Variants in CDO1 observed in about 807,000 individuals in gnomAD.
CDO1 encodes the protein cysteine dioxygenase, type I.
Under a neutral mutation model 24.5 loss-of-function variants are expected in CDO1, and 19 were observed. That is an observed-to-expected ratio of 0.77 (90% CI 0.54 to 1.14). The LOEUF (loss-of-function observed/expected upper bound fraction) is 1.14. Ranked by LOEUF, CDO1 falls within the 50% of genes most tolerant of loss-of-function variation. The pLI is 0.00. For missense variants in CDO1, 244 were observed against 244.8 expected, an observed-to-expected ratio of 1.00 and a Z score of 0.02; for synonymous variants, 91 against 87.0, an observed-to-expected ratio of 1.05 and a Z score of -0.26.
chr5:115,809,618 G>T (rs1760100637), intron 3 of CDO1: 1 of 151,834 alleles, frequency 6.6e-6, no homozygotes. Flanking sequence ...TACAACAATT[G>T]TACCTTCACT....
In CDO1 at chr5:115,805,356, A is replaced by G; in HGVS notation, c.*77T>C. 2 of 1,220,588 alleles carry G rather than the reference A, an allele frequency of 1.6e-6. No individual in the cohort carries two copies. The highest frequency in any genetic ancestry group is 2.3e-5 in the East Asian group (1 of 43,058). The allele number at this position is 1,220,588 out of a possible 1,614,324, so 75.6% of individuals were successfully genotyped here. On this transcript the variant is annotated 3_prime_UTR_variant, in exon 5 of 5. Coordinates refer to ENST00000250535, the MANE Select transcript of CDO1 (RefSeq NM_001801.3). ...TTATTTAAGTATATTACTGGATAGCACGTGGTAGGTAGCCTTTTTGTCCAA... is the reference window on the plus strand; with the variant it reads ...TTATTTAAGTATATTACTGGATAGCGCGTGGTAGGTAGCCTTTTTGTCCAA...
At position 115,816,633 on chromosome 5, in the gene CDO1, G is replaced by C. The variant is rs972469920; in HGVS notation, c.-236C>G. On this transcript the variant is annotated 5_prime_UTR_variant, in exon 1 of 5. Coordinates refer to ENST00000250535, the MANE Select transcript of CDO1 (RefSeq NM_001801.3). ...GATCCGGGATCGCTGGAGACGCGGTGCACACACAAATCAGGTTCAGATCTG... is the reference window on the plus strand; with the variant it reads ...GATCCGGGATCGCTGGAGACGCGGTCCACACACAAATCAGGTTCAGATCTG... 1 of 549,386 alleles carries C rather than the reference G, an allele frequency of 1.8e-6. No individual in the cohort carries two copies. Among genetic ancestry groups the C allele is most frequent in the Admixed American group, 3.1e-5 (1 of 32,250 alleles). 34.0% of individuals were successfully genotyped at this position (549,386 alleles called of 1,614,324 possible).
At chr5:115,812,462 A>C (rs1180163431) in intron 2 of CDO1, among the ~76,000 whole-genome samples, 2 of 152,196 alleles carry the variant, frequency 1.3e-5, no homozygotes, top group African/African-American at 2.4e-5. Flanking sequence ...AGTAGAAAGA[A>C]ATTTTCTGAA....
At chr5:115,813,398 A>T in intron 1 of CDO1, 140 bp from the exon 2 acceptor site, 1 of 555,130 alleles carries the variant, frequency 1.8e-6, no homozygotes, top group Non-Finnish European at 3.2e-6. Flanking sequence ...CAGTTTTCTA[A>T]TTAGAAATCC....
intron 4 of CDO1, among the ~76,000 whole-genome samples, chr5:115,806,113 A>C (rs996465372): frequency 2.0e-5 from 3 of 152,234 alleles, no homozygotes; most frequent in African/African-American, 7.2e-5. Context: ...TTCCCAAGTA[A>C]ATGAAAACAT....
At position 115,809,000 on chromosome 5, in the gene CDO1, G is replaced by T. The variant is rs571034426; in HGVS notation, c.403+2161C>A. ...ATCTTTGAACAAGCCACACATTCTAGGATCTTTCATTTTCCTTATTTCTAA... is the reference window on the plus strand; with the variant it reads ...ATCTTTGAACAAGCCACACATTCTATGATCTTTCATTTTCCTTATTTCTAA... On this transcript the variant is annotated intron_variant, in intron 3 of 4. Coordinates refer to ENST00000250535, the MANE Select transcript of CDO1 (RefSeq NM_001801.3). Among the ~76,000 whole-genome samples the T allele has an allele frequency of 2.0e-5, 3 of 152,206 alleles. No homozygotes were observed. In the South Asian group the frequency reaches 6.2e-4, roughly 32 times the overall value.
rs1024621176 is a variant in CDO1, at chr5:115,805,409, A to G, written c.*24T>C. 9 of 1,611,112 alleles carry G rather than the reference A, an allele frequency of 5.6e-6. No homozygotes were observed. The highest frequency in any genetic ancestry group is 7.6e-6 in the Non-Finnish European group (9 of 1,178,532). The stretch of plus-strand genomic sequence containing the variant: ...CAAACATACAGCGAACCTTAAAGTA[A>G]AACCTCAGAGGGTTTGGTGCCCCTT... On this transcript the variant is annotated 3_prime_UTR_variant, in exon 5 of 5. Transcript: ENST00000250535.
chr5:115,816,364 G>C lies in CDO1; in HGVS notation c.34C>G (p.Leu12Val). The C allele has an allele frequency of 7.4e-6, 12 of 1,613,854 alleles. No homozygotes were observed. The highest frequency in any genetic ancestry group is 1.0e-5 in the Non-Finnish European group (12 of 1,180,018). Residue 12 changes from leucine to valine, a missense_variant, in exon 1 of 5, where the codon CTG becomes GTG. Physicochemically the swap from Leu to Val is conservative, Grantham distance 32. Transcript: ENST00000250535. ...TGCAGGATGCGGATCAGATCAGCCA[G>C]GGTCCGTGGCTTCAGCACTTCGGTC... is the stretch of plus-strand genomic sequence containing the variant. ...EQTEVLKPRT[L>V]ADLIRILHQL...
chr5:115,805,210 T>C lies in CDO1; in HGVS notation c.*223A>G. 2.1e-6 allele frequency: 1 copy of C among 479,330 alleles called. No homozygotes were observed. The highest frequency in any genetic ancestry group is 3.7e-6 in the Non-Finnish European group (1 of 271,556). The allele number at this position is 479,330 out of a possible 1,614,324, so 29.7% of individuals were successfully genotyped here. ...ATGAGAGCACTTGAAAACTTGCCTT[T>C]AAAAATCACAAGACTTTCTTTTCCT... On this transcript the variant is annotated 3_prime_UTR_variant, in exon 5 of 5. Coordinates refer to ENST00000250535, the MANE Select transcript of CDO1 (RefSeq NM_001801.3).
rs34251420 is a variant in CDO1 at position 115,810,307 on chromosome 5, G to A, written c.403+854C>T. 9.9e-3 allele frequency among the ~76,000 whole-genome samples: 1,512 copies of A among 152,122 alleles called. 19 individuals carry two copies. Among genetic ancestry groups the A allele is most frequent in the South Asian group, 0.041 (197 of 4,804 alleles). On this transcript the variant is annotated intron_variant, in intron 3 of 4. Transcript: ENST00000250535. ...GATCTTTGCAAGTGACTTGTATATA[G>A]GCCAAATATCGAGGCCAGTAAGATT...
chr5:115,815,690 A>G (rs900467965), intron 1 of CDO1, among the ~76,000 whole-genome samples: 14 of 152,306 alleles, frequency 9.2e-5, no homozygotes, highest in African/African-American at 3.4e-4. Context: ...TGGAGAACTG[A>G]CGCGGGTGAC....
At chr5:115,811,922 G>T (rs1330958289) in intron 2 of CDO1, among the ~76,000 whole-genome samples, 2 of 152,142 alleles carry the variant, frequency 1.3e-5, no homozygotes, top group African/African-American at 4.8e-5. Flanking sequence ...TCCAACATTG[G>T]TGGGAAAAAG....
At chr5:115,812,116 C>T (rs1386048773) in intron 2 of CDO1, among the ~76,000 whole-genome samples, 2 of 152,006 alleles carry the variant, frequency 1.3e-5, no homozygotes, top group Admixed American at 1.3e-4. Context: ...GAATTTGTTT[C>T]CTAAATCCAC....
rs1222443812 is a variant in CDO1, at chr5:115,813,240, C to A, written c.189G>T (p.Val63=). The change falls in exon 2 of 5, where the codon GTG becomes GTT. Residue 63 remains valine (V), a synonymous_variant. Coordinates refer to ENST00000250535, the MANE Select transcript of CDO1 (RefSeq NM_001801.3). ...GATTAAATTTTCCATTTCCTTGATC[C>A]ACAAGATTTCGGGTATACCTAAAAA... The part of the protein sequence containing the change: ...FDQYRYTRNL[V]DQGNGKFNLM... The A allele has an allele frequency of 5.0e-6, 8 of 1,595,178 alleles. No individual in the cohort carries two copies. The highest frequency in any genetic ancestry group is 6.0e-6 in the Non-Finnish European group (7 of 1,163,386).
intron 2 of CDO1, among the ~76,000 whole-genome samples, chr5:115,812,549 A>G (rs913361673): frequency 6.6e-6 from 1 of 152,212 alleles, no homozygotes; most frequent in South Asian, 2.1e-4. Context: ...CTCAAACACC[A>G]CAAATGTCAA....
At chr5:115,812,065 C>A (rs931263772) in intron 2 of CDO1, among the ~76,000 whole-genome samples, 9 of 152,056 alleles carry the variant, frequency 5.9e-5, no homozygotes, top group Admixed American at 1.3e-4. Flanking sequence ...GTATTCATTT[C>A]ATCTATTGAA....
chr5:115,815,703 G>C (rs1219436989), intron 1 of CDO1, among the ~76,000 whole-genome samples: 1 of 152,192 alleles, frequency 6.6e-6, no homozygotes, highest in Non-Finnish European at 1.5e-5. Flanking sequence ...CGGGTGACTT[G>C]TCTTCTTCAA....
chr5:115,812,635 C>T (rs890525695), intron 2 of CDO1, among the ~76,000 whole-genome samples: 1 of 152,134 alleles, frequency 6.6e-6, no homozygotes, highest in Non-Finnish European at 1.5e-5. Context: ...TTACTTACCT[C>T]ATTTGATTTA....
intron 4 of CDO1, among the ~76,000 whole-genome samples, 162 bp downstream of exon 4, chr5:115,806,187 G>C (rs973416473): frequency 6.6e-6 from 1 of 152,110 alleles, no homozygotes; most frequent in Admixed American, 6.5e-5. Flanking sequence ...AACATAATAA[G>C]TTTTTAAAAA....
Sources: gnomAD v4.1 joint callset for allele counts (sites outside exome capture counted in the v4.1 genomes callset) on GRCh38, gnomAD v4.1.1 for gene constraint, MANE v1.5 for transcripts, NCBI Gene and HGNC (gene_info 2026-07-23, HGNC 2026-07-21) for gene names.